The following STK10 variants were observed in gnomAD, a reference collection of about 807,000 sequenced individuals.
STK10 encodes the protein serine/threonine-protein kinase 10.
A neutral mutation model predicts 113.8 loss-of-function variants in STK10; 78 were observed. That is an observed-to-expected ratio of 0.69 (90% CI 0.57 to 0.83). STK10 has a LOEUF of 0.83. Among genes scored for constraint, STK10 ranks in the 40% least tolerant of loss-of-function variants. The probability of loss-of-function intolerance (pLI) is 0.00; values close to 1 mark genes in which losing one functional copy is unlikely to be tolerated. For missense variants in STK10, 1,109 were observed against 1,280.1 expected, an observed-to-expected ratio of 0.87 and a Z score of 2.04; for synonymous variants, 465 against 494.7, an observed-to-expected ratio of 0.94 and a Z score of 0.80.
At chr5:172,152,250 G>C (rs151056487) in intron 2 of STK10, among the ~76,000 whole-genome samples, 1 of 152,214 alleles carries the variant, frequency 6.6e-6, no homozygotes, top group Non-Finnish European at 1.5e-5. Context: ...TAATGACATC[G>C]AGTTGGTAGC....
At chr5:172,159,078 T>A (rs1183910945) in intron 1 of STK10, among the ~76,000 whole-genome samples, 1 of 152,018 alleles carries the variant, frequency 6.6e-6, no homozygotes, top group Non-Finnish European at 1.5e-5. Flanking sequence ...GAGAGAGAAA[T>A]AATCATGTAA....
chr5:172,066,829 G>T (rs1395433106), intron 12 of STK10, among the ~76,000 whole-genome samples: 1 of 152,170 alleles, frequency 6.6e-6, no homozygotes, highest in African/African-American at 2.4e-5. Flanking sequence ...ATTCCTAACT[G>T]TGTGTGTGAA....
intron 12 of STK10, among the ~76,000 whole-genome samples, chr5:172,079,181 CCTGT>C (rs1016652226): frequency 1.3e-5 from 2 of 152,192 alleles, no homozygotes; most frequent in African/African-American, 4.8e-5. Flanking sequence ...TCTCTGCCTA[CCTGT>C]CTGATTCTAC....
At chr5:172,136,451 G>A (rs928269721) in intron 2 of STK10, among the ~76,000 whole-genome samples, 3 of 152,138 alleles carry the variant, frequency 2.0e-5, no homozygotes, top group Non-Finnish European at 4.4e-5. Context: ...CAAAAACTTA[G>A]CCAGGTGTGG....
At chr5:172,061,082 C>T in intron 14 of STK10, 57 bp downstream of exon 14, 1 of 1,544,144 alleles carries the variant, frequency 6.5e-7, no homozygotes, top group Non-Finnish European at 8.7e-7. Context: ...CTTCCCAGGG[C>T]TGGGATGTCC....
chr5:172,086,602 T>A (rs550185677), intron 10 of STK10, among the ~76,000 whole-genome samples: 30 of 152,174 alleles, frequency 2.0e-4, no homozygotes, highest in Non-Finnish European at 3.1e-4. Context: ...GAGAATGTGA[T>A]AAATGCTCAG....
intron 12 of STK10, among the ~76,000 whole-genome samples, 192 bp from the exon 13 acceptor site, chr5:172,065,004 C>T (rs573416693): frequency 8.7e-4 from 132 of 152,348 alleles, no homozygotes; most frequent in Non-Finnish European, 4.0e-4. Context: ...TCCTGCCTGC[C>T]GCTGGTTTCA....
rs368363377 is a variant in STK10, at chr5:172,127,439, C to A, written c.322-18G>T. 49 of 1,613,026 alleles carry A rather than the reference C, an allele frequency of 3.0e-5. No homozygotes were observed. The highest frequency in any genetic ancestry group is 3.2e-5 in the Non-Finnish European group (38 of 1,179,508). ...ATCATGATCTGCAGAAAACACAGGG[C>A]AAAGTGACAATGAGTGGGGCTGCCC... On this transcript the variant is annotated intron_variant, in intron 2 of 18. Transcript: ENST00000176763.
intron 6 of STK10, among the ~76,000 whole-genome samples, 165 bp downstream of exon 6, chr5:172,106,455 G>C (rs1245096529): frequency 1.4e-5 from 2 of 140,284 alleles, no homozygotes; most frequent in East Asian, 4.7e-4. Context: ...AAGGGCCCGG[G>C]GGGGCTCAGA....
intron 12 of STK10, among the ~76,000 whole-genome samples, chr5:172,065,723 G>C (rs562017134): frequency 6.6e-6 from 1 of 152,106 alleles, no homozygotes; most frequent in Non-Finnish European, 1.5e-5. Context: ...ACGTTTGCTG[G>C]AACTACTGAA....
chr5:172,176,529 T>C (rs1770762088), intron 1 of STK10, among the ~76,000 whole-genome samples: 1 of 152,112 alleles, frequency 6.6e-6, no homozygotes, highest in South Asian at 2.1e-4. Flanking sequence ...TGGACCACCT[T>C]AGTTTTGGGC....
At chr5:172,054,815 T>TACCCAGC in intron 16 of STK10, 121 bp from the exon 17 acceptor site, 1 of 1,362,544 alleles carries the variant, frequency 7.3e-7, no homozygotes, top group Non-Finnish European at 1.0e-6. Context: ...ACAGCCCCAG[T>TACCCAGC]ACCCAGCACC....
chr5:172,131,040 T>G (rs1225495117), intron 2 of STK10, among the ~76,000 whole-genome samples: 1 of 147,816 alleles, frequency 6.8e-6, no homozygotes, highest in East Asian at 2.0e-4. Flanking sequence ...CTGTTTTTTT[T>G]TTTTTTTTTT....
intron 7 of STK10, among the ~76,000 whole-genome samples, chr5:172,105,366 TTCC>T (rs1169184296): frequency 6.6e-6 from 1 of 152,076 alleles, no homozygotes; most frequent in Non-Finnish European, 1.5e-5. Flanking sequence ...GTGGATCTCC[TTCC>T]GTGGCACTGG....
chr5:172,157,033 A>T (rs1770362682), intron 1 of STK10, among the ~76,000 whole-genome samples: 1 of 152,220 alleles, frequency 6.6e-6, no homozygotes, highest in African/African-American at 2.4e-5. Context: ...ACAAATACCA[A>T]CATGGAAAGA....
At chr5:172,110,605 G>C (rs1052825293) in intron 4 of STK10, among the ~76,000 whole-genome samples, 2 of 152,108 alleles carry the variant, frequency 1.3e-5, no homozygotes, top group Non-Finnish European at 2.9e-5. Flanking sequence ...TGGGAGGCAG[G>C]AAACAGCAGG....
At position 172,133,675 on chromosome 5, in the gene STK10, C is replaced by A. The variant is rs1360966380; in HGVS notation, c.322-6254G>T. 6.6e-6 allele frequency among the ~76,000 whole-genome samples: 1 copy of A among 152,168 alleles called. No homozygotes were observed. Among genetic ancestry groups the A allele is most frequent in the African/African-American group, 2.4e-5 (1 of 41,440 alleles). Reference sequence around the variant, plus strand: ...GAGAGAAGTGGGTGTGAAGACAAAGCTAATACACAGAGGAAGACAGAGAGA... The same window carrying A: ...GAGAGAAGTGGGTGTGAAGACAAAGATAATACACAGAGGAAGACAGAGAGA... On this transcript the variant is annotated intron_variant, in intron 2 of 18. Transcript: ENST00000176763. This position sits in a 1 kb window ranked among gnomAD's most constrained non-coding sequence, Gnocchi z 4.9.
At position 172,182,308 on chromosome 5, in the gene STK10, GAA is replaced by G. The variant is rs567194724; in HGVS notation, c.156+5577_156+5578del. Among the ~76,000 whole-genome samples, 842 of 92,118 alleles carry G rather than the reference GAA, an allele frequency of 9.1e-3. 7 individuals are homozygous for G. The highest frequency in any genetic ancestry group is 0.03 in the African/African-American group (765 of 25,568). The allele number at this position is 92,118 out of a possible 152,430, so 60.4% of individuals were successfully genotyped here. Reference sequence around the variant, plus strand: ...ACAGAGCTAGACTCTGTCTCAGAGGGAAAAAAAAAAAAAAAAAAAGGCTTAAA... The same window carrying G: ...ACAGAGCTAGACTCTGTCTCAGAGGGAAAAAAAAAAAAAAAAAGGCTTAAA... On this transcript the variant is annotated intron_variant, in intron 1 of 18. Transcript: ENST00000176763.
rs1768455201 is a variant in STK10, at chr5:172,082,453, T to C, written c.1862A>G (p.Lys621Arg). Residue 621 changes from lysine (K) to arginine (R), a missense_variant, in exon 12 of 19, where the codon AAG (lysine) becomes AGG (arginine). Physicochemically the swap from Lys to Arg is conservative, Grantham distance 26. This residue lies in a region of STK10 where 885 missense variants were observed against 991.1 expected (regional missense o/e 0.89). Coordinates refer to ENST00000176763, the MANE Select transcript of STK10 (RefSeq NM_005990.4). The surrounding 1 kb of genome is among the most constrained non-coding windows in gnomAD (Gnocchi z 4.3). ...TTGCTCCATCTTCTCCACTTGCTGC[T>C]TTTGCTGACGCTCCAGGTTCTCTAA... ...TELENLERQQ[K>R]QQVEKMEQDH... The C allele has an allele frequency of 6.2e-7, 1 of 1,610,520 alleles. No individual in the cohort carries two copies. Among genetic ancestry groups the C allele is most frequent in the Non-Finnish European group, 8.5e-7 (1 of 1,178,532 alleles).
Sources: gnomAD v4.1 joint callset for allele counts (sites outside exome capture counted in the v4.1 genomes callset) on GRCh38, gnomAD v4.1.1 for gene constraint, gnomAD v4.1.1 regional missense constraint, Gnocchi (gnomAD v3.1) non-coding constraint, MANE v1.5 for transcripts, NCBI Gene and HGNC (gene_info 2026-07-23, HGNC 2026-07-21) for gene names.